Variants in RAPGEF4 observed in about 807,000 individuals in gnomAD.
RAPGEF4 encodes Rap guanine nucleotide exchange factor 4.
RAPGEF4 carries 66 observed loss-of-function variants against 147.9 expected under a neutral mutation model. The observed-to-expected ratio is 0.45, with a 90% confidence interval of 0.37 to 0.55. RAPGEF4 has a LOEUF of 0.55. RAPGEF4 is among the 20% of genes least tolerant of loss of function. The pLI, the probability that RAPGEF4 is intolerant of heterozygous loss-of-function variation, is 0.00. For missense variants in RAPGEF4, 1,071 were observed against 1,257.3 expected (o/e 0.85, Z 2.24); for synonymous variants, 419 against 442.7 (o/e 0.95, Z 0.67).
chr2:172,980,001 A>G (rs987316429), intron 10 of RAPGEF4, among the ~76,000 whole-genome samples: 4 of 152,222 alleles, frequency 2.6e-5, no homozygotes, highest in African/African-American at 9.6e-5. Flanking sequence ...TGGGCAAGAA[A>G]GGTCAGAGAG....
chr2:172,770,737 C>T (rs1313234344), intron 1 of RAPGEF4, among the ~76,000 whole-genome samples: 1 of 152,092 alleles, frequency 6.6e-6, no homozygotes, highest in Non-Finnish European at 1.5e-5. Flanking sequence ...AATAATCTTC[C>T]CTGGTTGGTT....
intron 8 of RAPGEF4, 48 bp from the exon 9 acceptor site, chr2:172,965,514 T>A: frequency 6.3e-7 from 1 of 1,588,360 alleles, no homozygotes; most frequent in Non-Finnish European, 8.6e-7. Flanking sequence ...CCATCCTCTA[T>A]CTGAAAAGGG....
intron 1 of RAPGEF4, among the ~76,000 whole-genome samples, chr2:172,788,200 G>T (rs1685430821): frequency 6.6e-6 from 1 of 152,068 alleles, no homozygotes; most frequent in Non-Finnish European, 1.5e-5. Context: ...TCACTTTAAG[G>T]GTTAGGATTT....
In RAPGEF4 at chr2:172,960,665, T is replaced by TA. The variant is rs1223732599; in HGVS notation, c.538-89dup. 4 of 859,712 alleles carry TA rather than the reference T, an allele frequency of 4.7e-6. No homozygotes were observed. In the South Asian group the frequency reaches 6.4e-5, roughly 14 times the overall value. The allele number at this position is 859,712 out of a possible 1,614,324, so 53.3% of individuals were successfully genotyped here. A position where few individuals can be genotyped will look rare whatever the true frequency, so the allele number is the denominator to read the frequency against. On this transcript the variant is annotated intron_variant, in intron 6 of 30. Coordinates refer to ENST00000397081, the MANE Select transcript of RAPGEF4 (RefSeq NM_007023.4). Reference sequence around the variant, plus strand: ...TTTTTAAATTATATTTTGAGTTTTATAAAAAATGGATGTTTCTTATTATCC... The same window carrying TA: ...TTTTTAAATTATATTTTGAGTTTTATAAAAAAATGGATGTTTCTTATTATCC...
rs561515383 is a variant in RAPGEF4, at chr2:173,001,203, T to C, written c.1580-63T>C. ...TGACTAAGAACAAGTGAATGGATAC[T>C]CTTGCTTTCCTAAAGATTTCCACAA... On this transcript the variant is annotated intron_variant, in intron 16 of 30. Coordinates refer to ENST00000397081, the MANE Select transcript of RAPGEF4 (RefSeq NM_007023.4). 203 of 1,605,972 alleles carry C rather than the reference T, an allele frequency of 1.3e-4. No homozygotes were observed. The African/African-American group carries it at 2.4e-3, about 19-fold the overall frequency.
At chr2:172,816,266 C>T (rs1183739002) in intron 4 of RAPGEF4, among the ~76,000 whole-genome samples, 1 of 151,968 alleles carries the variant, frequency 6.6e-6, no homozygotes, top group African/African-American at 2.4e-5. Context: ...CTCTCTCTCT[C>T]TCTCCTCTCT....
intron 29 of RAPGEF4, among the ~76,000 whole-genome samples, chr2:173,039,336 G>A (rs1342658995): frequency 6.6e-6 from 1 of 151,874 alleles, no homozygotes; most frequent in African/African-American, 2.4e-5. Flanking sequence ...GTGGTGGCGG[G>A]CACCTGTAGT....
intron 27 of RAPGEF4, 68 bp downstream of exon 27, chr2:173,034,032 G>A (rs1683580141): frequency 6.8e-7 from 1 of 1,475,672 alleles, no homozygotes; most frequent in Non-Finnish European, 9.2e-7. Context: ...TAGCTGAATT[G>A]AAGTTCTCAT....
At chr2:172,949,559 A>T (rs1688010786) in intron 6 of RAPGEF4, among the ~76,000 whole-genome samples, 1 of 152,208 alleles carries the variant, frequency 6.6e-6, no homozygotes, top group Non-Finnish European at 1.5e-5. Flanking sequence ...AGGATGAGAA[A>T]AGTCACCTGT....
chr2:172,845,771 A>G (rs1692109558), intron 4 of RAPGEF4, among the ~76,000 whole-genome samples: 1 of 152,244 alleles, frequency 6.6e-6, no homozygotes, highest in Admixed American at 6.5e-5. Context: ...TGGTGCAACC[A>G]TCACTACTGT....
intron 6 of RAPGEF4, among the ~76,000 whole-genome samples, chr2:172,950,875 C>T (rs1190404796): frequency 1.3e-5 from 2 of 152,224 alleles, no homozygotes; most frequent in African/African-American, 4.8e-5. Context: ...GAAATGCTCA[C>T]ATGTTAGTAA....
intron 4 of RAPGEF4, among the ~76,000 whole-genome samples, chr2:172,864,999 G>A (rs1363468658): frequency 6.6e-6 from 1 of 152,176 alleles, no homozygotes; most frequent in Non-Finnish European, 1.5e-5. Flanking sequence ...AATGAATGAA[G>A]CAGGTCTGTG....
At chr2:172,953,312 TTCTCTATATATA>T (rs2105403172) in intron 6 of RAPGEF4, among the ~76,000 whole-genome samples, 2 of 147,716 alleles carry the variant, frequency 1.4e-5, no homozygotes, top group South Asian at 4.2e-4. Context: ...TATATAATAG[TTCTCTATATATA>T]TCTCTATATA....
chr2:172,934,147 CTTT>C (rs5836396), intron 6 of RAPGEF4, among the ~76,000 whole-genome samples: 1 of 99,156 alleles, frequency 1.0e-5, no homozygotes, highest in Non-Finnish European at 1.8e-5. Context: ...TTATTTAATC[CTTT>C]TTTTTTTTTT....
chr2:172,775,241 C>T (rs762108534), intron 1 of RAPGEF4, among the ~76,000 whole-genome samples: 1 of 152,204 alleles, frequency 6.6e-6, no homozygotes, highest in Non-Finnish European at 1.5e-5. Context: ...AGCCCCGTCT[C>T]TAGGTTTCTT....
chr2:172,988,852 C>A lies in RAPGEF4; in HGVS notation c.1374+13C>A. On this transcript the variant is annotated intron_variant, in intron 14 of 30. Coordinates refer to ENST00000397081, the MANE Select transcript of RAPGEF4 (RefSeq NM_007023.4). Reference sequence around the variant, plus strand: ...CCGGATCCTAAGGGTGAGTCCAAAGCAAAGTGTGGCTGAGAGACAGCCCAT... The same window carrying A: ...CCGGATCCTAAGGGTGAGTCCAAAGAAAAGTGTGGCTGAGAGACAGCCCAT... 23 of 1,611,772 alleles carry A rather than the reference C, an allele frequency of 1.4e-5. No individual in the cohort carries two copies. The highest frequency in any genetic ancestry group is 2.0e-5 in the Non-Finnish European group (23 of 1,179,118).
chr2:172,974,927 G>C (rs1321987380), intron 10 of RAPGEF4, among the ~76,000 whole-genome samples: 1 of 152,032 alleles, frequency 6.6e-6, no homozygotes, highest in African/African-American at 2.4e-5. Context: ...ACTATGTATT[G>C]TCAGGAGCAG....
chr2:172,947,472 C>G (rs1041522678), intron 6 of RAPGEF4, among the ~76,000 whole-genome samples: 11 of 152,178 alleles, frequency 7.2e-5, no homozygotes, highest in Admixed American at 2.6e-4. Context: ...CTGCTAGGCT[C>G]ACTGTCTAGC....
In RAPGEF4 at chr2:173,050,833, G is replaced by T. The variant is rs141417580; in HGVS notation, c.2909-807G>T. Among the ~76,000 whole-genome samples, 37 of 151,636 alleles carry T rather than the reference G, an allele frequency of 2.4e-4. No individual in the cohort carries two copies. In the East Asian group the frequency reaches 6.8e-3, roughly 28 times the overall value. On this transcript the variant is annotated intron_variant, in intron 30 of 30. Coordinates refer to ENST00000397081, the MANE Select transcript of RAPGEF4 (RefSeq NM_007023.4). The stretch of plus-strand genomic sequence containing the variant: ...CGTGGCAGCAACATGCAGAAGCCAG[G>T]TCATCACTTCCAGAGGGACCTGTGT...
Sources: allele counts gnomAD v4.1 joint callset (sites outside exome capture counted in the v4.1 genomes callset), GRCh38; gene constraint gnomAD v4.1.1; transcripts MANE v1.5; gene names NCBI Gene and HGNC (gene_info 2026-07-23, HGNC 2026-07-21).